Variants in ATAD5 observed in about 807,000 individuals in gnomAD.
The protein encoded by ATAD5 is ATPase family AAA domain containing 5.
Under a neutral mutation model 176.9 loss-of-function variants are expected in ATAD5, and 58 were observed. The observed-to-expected ratio is 0.33, with a 90% CI of 0.27 to 0.41. The LOEUF (loss-of-function observed/expected upper bound fraction) is 0.41. ATAD5 is among the 10% of genes least tolerant of loss of function. The pLI is 1.00. For synonymous variants in ATAD5, 640 were observed against 712.6 expected, an observed-to-expected ratio of 0.90 and a Z score of 1.62; for missense variants, 1,789 against 2,094.1, an observed-to-expected ratio of 0.85 and a Z score of 2.84.
chr17:30,845,728 A>G (rs1473091588), intron 6 of ATAD5, among the ~76,000 whole-genome samples: 2 of 152,224 alleles, frequency 1.3e-5, no homozygotes, highest in South Asian at 2.1e-4. Flanking sequence ...CCTGCTGGAT[A>G]AAGAATGGAA....
chr17:30,880,464 T>G (rs1255836602), intron 18 of ATAD5, among the ~76,000 whole-genome samples: 1 of 151,498 alleles, frequency 6.6e-6, no homozygotes, highest in Non-Finnish European at 1.5e-5. Flanking sequence ...CAAAATTAGC[T>G]GGGCGTGGTG....
At chr17:30,883,484 T>A in intron 18 of ATAD5, among the ~76,000 whole-genome samples, 1 of 152,078 alleles carries the variant, frequency 6.6e-6, no homozygotes, top group East Asian at 1.9e-4. Flanking sequence ...TCTCACTAAT[T>A]TTTATATTGG....
At chr17:30,848,248 GC>G (rs1906657822) in intron 6 of ATAD5, among the ~76,000 whole-genome samples, 1 of 151,016 alleles carries the variant, frequency 6.6e-6, no homozygotes. Flanking sequence ...GCATTATCAG[GC>G]TTTTTTTTTT....
chr17:30,866,185 A>G (rs975893934), intron 11 of ATAD5, among the ~76,000 whole-genome samples: 42 of 79,232 alleles, frequency 5.3e-4, no homozygotes, highest in Non-Finnish European at 4.1e-4. Flanking sequence ...GAATTTACAA[A>G]TTTTTTTTTT....
intron 5 of ATAD5, 114 bp from the exon 6 acceptor site, chr17:30,844,721 T>G: frequency 1.2e-6 from 1 of 822,748 alleles, no homozygotes; most frequent in Non-Finnish European, 1.8e-6. Context: ...GCACTCCAGC[T>G]TGGGCTACAG....
intron 20 of ATAD5, 62 bp downstream of exon 20, chr17:30,892,850 GCCT>G: frequency 7.6e-7 from 1 of 1,307,876 alleles, no homozygotes; most frequent in Non-Finnish European, 1.0e-6. Flanking sequence ...CCCAACATTA[GCCT>G]CCTATCTTTT....
At chr17:30,885,623 CTTTTTT>C (rs778733612) in intron 18 of ATAD5, among the ~76,000 whole-genome samples, 1,050 of 93,836 alleles carry the variant, frequency 0.011, 8 homozygotes, top group Middle Eastern at 0.078. Context: ...TTCCAACTTT[CTTTTTT>C]TTTTTTTTTT....
In ATAD5 at chr17:30,893,395, T is replaced by G; in HGVS notation, c.4542T>G (p.Ile1514Met). 1 of 1,612,304 alleles carries G rather than the reference T, an allele frequency of 6.2e-7. No individual in the cohort carries two copies. The highest frequency in any genetic ancestry group is 8.5e-7 in the Non-Finnish European group (1 of 1,179,282). Residue 1514 changes from isoleucine (I) to methionine (M), a missense_variant, in exon 21 of 23, where the codon ATT becomes ATG. Transcript: ENST00000321990. The part of the protein sequence containing the change: ...VDFLYSNLEF[I>M]LPLPVDTIPE... ...TTTTATATAGTAATCTTGAGTTTAT[T>G]CTACCATTACCAGTTGATACCATTC...
rs569986111 is a variant in ATAD5 at position 30,844,747 on chromosome 17, C to CAAA, written c.2369-65_2369-63dup. ...TGGGCTACAGAGTGAGACTCCATCT[C>CAAA]AAAAAAAAAAAAAAAAAAAAAAAAA... On this transcript the variant is annotated intron_variant, in intron 5 of 22. Coordinates refer to ENST00000321990, the MANE Select transcript of ATAD5 (RefSeq NM_024857.5). 2,377 of 345,154 alleles carry CAAA rather than the reference C, an allele frequency of 6.9e-3. 8 individuals carry two copies. Among genetic ancestry groups the CAAA allele is most frequent in the South Asian group, 0.013 (594 of 44,048 alleles). The allele number at this position is 345,154 out of a possible 1,614,324, so 21.4% of individuals were successfully genotyped here.
rs142831398 is a variant in ATAD5 at position 30,887,860 on chromosome 17, C to T, written c.4258+488C>T. On this transcript the variant is annotated intron_variant, in intron 19 of 22. Coordinates refer to ENST00000321990, the MANE Select transcript of ATAD5 (RefSeq NM_024857.5). Reference sequence around the variant, plus strand: ...TTATTTATATTTTTTGAGATGGAGTCTCGCACTGTTGCCTGGGCTAGAGTG... The same window carrying T: ...TTATTTATATTTTTTGAGATGGAGTTTCGCACTGTTGCCTGGGCTAGAGTG... Among the ~76,000 whole-genome samples the T allele has an allele frequency of 5.5e-3, 842 of 152,148 alleles. 4 individuals carry two copies. The highest frequency in any genetic ancestry group is 0.017 in the Middle Eastern group (5 of 294).
chr17:30,864,861 A>T (rs1907877144), intron 10 of ATAD5: 1 of 151,146 alleles, frequency 6.6e-6, no homozygotes. Flanking sequence ...CATGGTGTAT[A>T]TATGTCCTAC....
chr17:30,868,848 AC>A (rs1045132093), intron 12 of ATAD5, among the ~76,000 whole-genome samples: 5 of 120,892 alleles, frequency 4.1e-5, no homozygotes, highest in African/African-American at 1.6e-4. Context: ...TTGATTTTCT[AC>A]TTTTTTTTTT....
intron 4 of ATAD5, 45 bp downstream of exon 4, chr17:30,840,826 G>T (rs1906060957): frequency 6.5e-7 from 1 of 1,543,388 alleles, no homozygotes; most frequent in Admixed American, 2.1e-5. Flanking sequence ...CTCCTATTTT[G>T]CTGTTTGGAG....
intron 9 of ATAD5, among the ~76,000 whole-genome samples, chr17:30,858,766 C>T (rs1194358986): frequency 1.3e-5 from 2 of 151,826 alleles, no homozygotes; most frequent in South Asian, 2.1e-4. Flanking sequence ...CTGCAACCTT[C>T]GCCTCCCGGG....
At chr17:30,889,724 T>A (rs1909518496) in intron 19 of ATAD5, among the ~76,000 whole-genome samples, 1 of 152,058 alleles carries the variant, frequency 6.6e-6, no homozygotes, top group African/African-American at 2.4e-5. Flanking sequence ...GTTTCCATGC[T>A]CCATAGTCAC....
At chr17:30,837,434 T>C (rs1905813897) in intron 3 of ATAD5, 120 bp downstream of exon 3, 1 of 675,398 alleles carries the variant, frequency 1.5e-6, no homozygotes, top group Non-Finnish European at 2.5e-6. Context: ...ATTTCATAAA[T>C]TGGTTAACTA....
intron 7 of ATAD5, among the ~76,000 whole-genome samples, chr17:30,856,152 A>G (rs182082371): frequency 5.3e-5 from 8 of 152,340 alleles, no homozygotes; most frequent in African/African-American, 1.9e-4. Context: ...GCAGAGAGGC[A>G]AGCACAGAGG....
chr17:30,887,136 A>G (rs2142444952), intron 18 of ATAD5, 56 bp from the exon 19 acceptor site: 2 of 1,411,160 alleles, frequency 1.4e-6, no homozygotes, highest in Non-Finnish European at 1.9e-6. Context: ...TGTATGTATT[A>G]TTGCTGTATC....
At chr17:30,880,587 AACAAGAGTGAAACTAC>A (rs1422007293) in intron 18 of ATAD5, among the ~76,000 whole-genome samples, 6 of 151,484 alleles carry the variant, frequency 4.0e-5, no homozygotes, top group Admixed American at 4.0e-4. Context: ...CAGCCTGGGC[AACAAGAGTGAAACTAC>A]ATCTCAAAAA....
Sources: allele counts gnomAD v4.1 joint callset (sites outside exome capture counted in the v4.1 genomes callset), GRCh38; gene constraint gnomAD v4.1.1; transcripts MANE v1.5; gene names NCBI Gene and HGNC (gene_info 2026-07-23, HGNC 2026-07-21).